TTC13: variants seen among roughly 807,000 people sequenced by gnomAD.
TTC13 encodes tetratricopeptide repeat domain 13, also known as tetratricopeptide repeat protein 13.
A neutral mutation model predicts 120.0 loss-of-function variants in TTC13; 62 were observed. That is an observed-to-expected ratio of 0.52 (90% CI 0.42 to 0.64). The LOEUF (loss-of-function observed/expected upper bound fraction) is 0.64, where lower values mean the gene tolerates loss of function less well. Ranked by LOEUF, TTC13 falls within the 30% of genes least tolerant of loss-of-function variation. TTC13 has a pLI of 0.00. For synonymous variants in TTC13, 384 were observed against 393.5 expected, an observed-to-expected ratio of 0.98 and a Z score of 0.28; for missense variants, 824 against 1,050.2, an observed-to-expected ratio of 0.78 and a Z score of 2.98.
chr1:230,949,646 T>TTTTTTTAA (rs1362800023), intron 4 of TTC13, among the ~76,000 whole-genome samples: 91 of 151,960 alleles, frequency 6.0e-4, no homozygotes, highest in African/African-American at 2.0e-3. Flanking sequence ...TCTTTCCTTT[T>TTTTTTTAA]TTTTTTATTT....
intron 5 of TTC13, 81 bp downstream of exon 5, chr1:230,945,308 G>T: frequency 8.1e-7 from 1 of 1,231,804 alleles, no homozygotes; most frequent in Non-Finnish European, 1.2e-6. Flanking sequence ...AAGGGTCAAT[G>T]AACAGTAGCA....
At chr1:230,969,264 A>AAAAAGAAAAG (rs59423340) in intron 1 of TTC13, among the ~76,000 whole-genome samples, 5,280 of 149,982 alleles carry the variant, frequency 0.035, 139 homozygotes, top group Middle Eastern at 0.11. Context: ...TCCATCTCAA[A>AAAAAGAAAAG]AAAAGAAAAG....
intron 1 of TTC13, among the ~76,000 whole-genome samples, chr1:230,969,064 G>A (rs1193294775): frequency 6.6e-6 from 1 of 152,136 alleles, no homozygotes; most frequent in Non-Finnish European, 1.5e-5. Flanking sequence ...CACGAGGTCA[G>A]GAGATCGAGA....
At chr1:230,914,839 G>C (rs995045709) in intron 18 of TTC13, among the ~76,000 whole-genome samples, 1 of 152,020 alleles carries the variant, frequency 6.6e-6, no homozygotes, top group Non-Finnish European at 1.5e-5. Flanking sequence ...TAAGTTTTGG[G>C]GTAGTCAAAG....
At position 230,958,118 on chromosome 1, in the gene TTC13, T is replaced by G; in HGVS notation, c.442+106A>C. 2.7e-6 allele frequency: 3 copies of G among 1,096,434 alleles called. No individual in the cohort carries two copies. The South Asian group carries it at 4.7e-5, about 17-fold the overall frequency. 67.9% of individuals were successfully genotyped at this position (1,096,434 alleles called of 1,614,324 possible). A position where few individuals can be genotyped will look rare whatever the true frequency, so the allele number is the denominator to read the frequency against. On this transcript the variant is annotated intron_variant, in intron 3 of 22. Coordinates refer to ENST00000366661, the MANE Select transcript of TTC13 (RefSeq NM_024525.5). ...CCATGCAAGATCAAACAGCTCAAAT[T>G]GGCAAAGCCAGTCTCTCTACTCCTT...
rs7511745 is a variant in TTC13, at chr1:230,940,042, C to T, written c.789+398G>A. ...TACAGTCTGGAAAGCCATGCTAGTT[C>T]AGGGTGTGTTTCTTGGGCTGTGAAA... On this transcript the variant is annotated intron_variant, in intron 7 of 22. Transcript: ENST00000366661. This position sits in a 1 kb window ranked among gnomAD's most constrained non-coding sequence, Gnocchi z 4.1. Among the ~76,000 whole-genome samples, 72,089 of 151,964 alleles carry T rather than the reference C, an allele frequency of 0.47. 17,647 individuals are homozygous for T. The highest frequency in any genetic ancestry group is 0.57 in the Admixed American group (8,763 of 15,270).
intron 15 of TTC13, among the ~76,000 whole-genome samples, chr1:230,922,552 T>C (rs191703926): frequency 6.6e-6 from 1 of 152,232 alleles, no homozygotes. Context: ...CTTCTGCCTA[T>C]CTTTCTAGCC....
chr1:230,915,395 C>T (rs1319080649), intron 18 of TTC13, among the ~76,000 whole-genome samples: 1 of 151,898 alleles, frequency 6.6e-6, no homozygotes, highest in Admixed American at 6.6e-5. Flanking sequence ...GGCAATTCCA[C>T]CCACAATTCA....
chr1:230,955,110 C>CA (rs1675930582), intron 3 of TTC13, among the ~76,000 whole-genome samples: 1 of 152,170 alleles, frequency 6.6e-6, no homozygotes, highest in Non-Finnish European at 1.5e-5. Context: ...CCCACCCATC[C>CA]AAAAACCAGT....
chr1:230,923,073 A>G (rs1412537872), intron 15 of TTC13, among the ~76,000 whole-genome samples: 3 of 152,246 alleles, frequency 2.0e-5, no homozygotes, highest in Admixed American at 1.3e-4. Flanking sequence ...TTAAAGGTGT[A>G]TAGAAAAATA....
intron 8 of TTC13, among the ~76,000 whole-genome samples, chr1:230,938,407 T>G (rs973389609): frequency 1.3e-5 from 2 of 152,150 alleles, no homozygotes; most frequent in African/African-American, 4.8e-5. Flanking sequence ...GTCACAAGCC[T>G]TCTCACAGTG....
At chr1:230,970,104 G>T (rs1270773198) in intron 1 of TTC13, among the ~76,000 whole-genome samples, 1 of 152,210 alleles carries the variant, frequency 6.6e-6, no homozygotes, top group Non-Finnish European at 1.5e-5. Context: ...GCCGGGTCTT[G>T]CCACAGCAAT....
intron 18 of TTC13, 121 bp from the exon 19 acceptor site, chr1:230,912,879 A>T: frequency 1.2e-6 from 1 of 854,948 alleles, no homozygotes; most frequent in Non-Finnish European, 1.8e-6. Context: ...ACAAGAATGT[A>T]CCTTACCTTT....
chr1:230,938,557 C>G (rs183691058), intron 8 of TTC13, among the ~76,000 whole-genome samples: 1 of 152,326 alleles, frequency 6.6e-6, no homozygotes, highest in East Asian at 1.9e-4. Flanking sequence ...GCCCAGCAGT[C>G]AGGCAGTTCT....
At chr1:230,957,040 C>T (rs935539721) in intron 3 of TTC13, among the ~76,000 whole-genome samples, 5 of 152,184 alleles carry the variant, frequency 3.3e-5, no homozygotes, top group Non-Finnish European at 5.9e-5. Flanking sequence ...CCTGGCATAT[C>T]AGGCTCTGAA....
intron 1 of TTC13, among the ~76,000 whole-genome samples, chr1:230,967,108 T>C (rs1677202481): frequency 6.6e-6 from 1 of 152,190 alleles, no homozygotes; most frequent in South Asian, 2.1e-4. Flanking sequence ...AGTCAGCTGG[T>C]AACTGTATTA....
At chr1:230,943,699 A>C (rs1298546516) in intron 6 of TTC13, 107 bp downstream of exon 6, 1 of 821,550 alleles carries the variant, frequency 1.2e-6, no homozygotes, top group Non-Finnish European at 1.9e-6. Flanking sequence ...AGAAAAACAT[A>C]AGAGTTTTAA....
intron 10 of TTC13, 88 bp from the exon 11 acceptor site, chr1:230,931,560 C>A (rs1020771310): frequency 1.3e-6 from 2 of 1,514,720 alleles, no homozygotes; most frequent in Non-Finnish European, 1.8e-6. Context: ...GTTTTCCCTC[C>A]AGGTTAAACC....
chr1:230,938,448 C>T (rs1674273045), intron 8 of TTC13, among the ~76,000 whole-genome samples: 1 of 152,198 alleles, frequency 6.6e-6, no homozygotes, highest in African/African-American at 2.4e-5. Flanking sequence ...AACATGGAAT[C>T]GAGTGCCCAG....
Sources: allele counts gnomAD v4.1 joint callset (sites outside exome capture counted in the v4.1 genomes callset), GRCh38; gene constraint gnomAD v4.1.1; non-coding constraint Gnocchi (gnomAD v3.1); transcripts MANE v1.5; gene names NCBI Gene and HGNC (gene_info 2026-07-23, HGNC 2026-07-21).